FTO: variants seen among roughly 807,000 people sequenced by gnomAD.
FTO encodes the protein FTO alpha-ketoglutarate dependent dioxygenase.
FTO carries 47 observed loss-of-function variants against 63.9 expected under a neutral mutation model. That is an observed-to-expected ratio of 0.74 (90% CI 0.58 to 0.94). The LOEUF (loss-of-function observed/expected upper bound fraction) is 0.94, where lower values mean the gene tolerates loss of function less well. FTO is among the 40% of genes least tolerant of loss of function. The pLI is 0.00. For synonymous variants in FTO, 207 were observed against 224.4 expected (o/e 0.92, Z 0.69); for missense variants, 562 against 618.1 (o/e 0.91, Z 0.96).
intron 7 of FTO, among the ~76,000 whole-genome samples, chr16:53,922,336 C>T (rs148517376): frequency 1.3e-5 from 2 of 152,232 alleles, no homozygotes; most frequent in Non-Finnish European, 2.9e-5. Context: ...TGGCTTAAAG[C>T]TGTAAATGGG....
intron 8 of FTO, chr16:54,063,579 G>T (rs2085641582): frequency 6.6e-6 from 1 of 152,128 alleles, no homozygotes; most frequent in Non-Finnish European, 1.5e-5. Flanking sequence ...TTATGAAATA[G>T]ATTTGAGGCG....
At chr16:53,996,973 C>T (rs898689449) in intron 8 of FTO, among the ~76,000 whole-genome samples, 32 of 151,862 alleles carry the variant, frequency 2.1e-4, no homozygotes, top group African/African-American at 6.8e-4. Flanking sequence ...TTTAGCCTGG[C>T]GTGGTGGCGG....
At chr16:53,716,697 T>G (rs1598477724) in intron 1 of FTO, among the ~76,000 whole-genome samples, 1 of 151,952 alleles carries the variant, frequency 6.6e-6, no homozygotes, top group African/African-American at 2.4e-5. Context: ...TATAAGTATA[T>G]GGTATGTGAG....
In FTO at chr16:53,709,579, G is replaced by A. The variant is rs76972483; in HGVS notation, c.45+5350G>A. Among the ~76,000 whole-genome samples the A allele has an allele frequency of 1.4e-3, 216 of 152,254 alleles. 1 individual carries two copies. In the East Asian group the frequency reaches 0.038, roughly 27 times the overall value. On this transcript the variant is annotated intron_variant, in intron 1 of 8. Coordinates refer to ENST00000471389, the MANE Select transcript of FTO (RefSeq NM_001080432.3). Reference sequence around the variant, plus strand: ...CCCTTGATTGAGTTTGGTGGCCTGAGGGGTCCTCTGCTGGGGTGGGGCTGG... The same window carrying A: ...CCCTTGATTGAGTTTGGTGGCCTGAAGGGTCCTCTGCTGGGGTGGGGCTGG...
chr16:53,990,192 C>T (rs1329619504), intron 8 of FTO, among the ~76,000 whole-genome samples: 3 of 152,186 alleles, frequency 2.0e-5, no homozygotes, highest in Non-Finnish European at 2.9e-5. Flanking sequence ...ATAGTGACCT[C>T]ATAGTGTTAT....
chr16:53,924,203 A>G (rs2082081572), intron 7 of FTO, among the ~76,000 whole-genome samples: 1 of 152,208 alleles, frequency 6.6e-6, no homozygotes, highest in Admixed American at 6.5e-5. Context: ...TAAGCACTTT[A>G]CATGGATTAT....
intron 1 of FTO, among the ~76,000 whole-genome samples, chr16:53,760,914 A>G (rs1207551644): frequency 6.6e-6 from 1 of 152,126 alleles, no homozygotes; most frequent in East Asian, 1.9e-4. Flanking sequence ...GGCGTGAGCC[A>G]CTGCGCCTCA....
At chr16:53,729,530 T>C (rs900972523) in intron 1 of FTO, among the ~76,000 whole-genome samples, 3 of 151,554 alleles carry the variant, frequency 2.0e-5, no homozygotes, top group African/African-American at 7.3e-5. Context: ...AAAATGACCG[T>C]GTCACTCCAC....
chr16:53,894,627 A>G (rs1469479024), intron 7 of FTO, among the ~76,000 whole-genome samples: 2 of 69,828 alleles, frequency 2.9e-5, no homozygotes, highest in Non-Finnish European at 7.0e-5. Context: ...GAAAGTCACC[A>G]ATTTTTGTGT....
At position 53,800,712 on chromosome 16, in the gene FTO, C is replaced by G. The variant is rs542149877; in HGVS notation, c.46-9428C>G. Among the ~76,000 whole-genome samples, 3 of 152,112 alleles carry G rather than the reference C, an allele frequency of 2.0e-5. No individual in the cohort carries two copies. In the South Asian group the frequency reaches 6.2e-4, roughly 32 times the overall value. On this transcript the variant is annotated intron_variant, in intron 1 of 8. Coordinates refer to ENST00000471389, the MANE Select transcript of FTO (RefSeq NM_001080432.3). ...GTTCTTGATGATTTGACTCCTTTAT[C>G]ATTATGAAATGACTTTTTCTCTTGT...
intron 8 of FTO, among the ~76,000 whole-genome samples, chr16:54,022,168 C>G (rs142151445): frequency 1.7e-3 from 252 of 152,246 alleles, no homozygotes; most frequent in African/African-American, 5.8e-3. Context: ...ATCACCTGCC[C>G]TAAGTCTACA....
At chr16:54,011,739 G>T (rs1260782913) in intron 8 of FTO, among the ~76,000 whole-genome samples, 2 of 152,124 alleles carry the variant, frequency 1.3e-5, no homozygotes, top group African/African-American at 2.4e-5. Context: ...GAAAAAGGAA[G>T]AAAATTTGTT....
intron 8 of FTO, among the ~76,000 whole-genome samples, chr16:53,971,958 C>A (rs1296446779): frequency 1.3e-5 from 2 of 152,146 alleles, no homozygotes; most frequent in Non-Finnish European, 2.9e-5. Context: ...GGTTTTTATT[C>A]ATTGCCTCCC....
intron 8 of FTO, among the ~76,000 whole-genome samples, chr16:53,990,053 GA>G (rs747847370): frequency 4.0e-4 from 19 of 47,068 alleles, no homozygotes; most frequent in Admixed American, 6.9e-4. Flanking sequence ...CTGTTTATGT[GA>G]ATCAGTAAGG....
intron 8 of FTO, among the ~76,000 whole-genome samples, chr16:53,955,377 T>C (rs2082905118): frequency 6.6e-6 from 1 of 151,916 alleles, no homozygotes; most frequent in African/African-American, 2.4e-5. Flanking sequence ...TGTCAGATAA[T>C]GACATGCACT....
intron 8 of FTO, chr16:54,071,444 A>G (rs899388660): frequency 1.1e-4 from 17 of 152,154 alleles, no homozygotes; most frequent in African/African-American, 2.7e-4. Flanking sequence ...TAGGGCATGC[A>G]TGTCTGAACT....
chr16:53,884,435 T>G (rs968646245), intron 6 of FTO, among the ~76,000 whole-genome samples: 4 of 152,198 alleles, frequency 2.6e-5, no homozygotes, highest in Admixed American at 1.3e-4. Flanking sequence ...GGGTATCTCT[T>G]TGTAGGCAGA....
intron 3 of FTO, among the ~76,000 whole-genome samples, chr16:53,841,914 G>T (rs1190555329): frequency 6.6e-6 from 1 of 152,192 alleles, no homozygotes; most frequent in Non-Finnish European, 1.5e-5. Context: ...TTCTGCTCTA[G>T]TTCTGTCGTT....
At chr16:53,842,251 A>G (rs908803924) in intron 3 of FTO, among the ~76,000 whole-genome samples, 20 of 152,182 alleles carry the variant, frequency 1.3e-4, no homozygotes, top group African/African-American at 4.8e-4. Flanking sequence ...TGGAATTTCA[A>G]TTTAAAATGT....
Sources: allele counts gnomAD v4.1 joint callset (sites outside exome capture counted in the v4.1 genomes callset), GRCh38; gene constraint gnomAD v4.1.1; transcripts MANE v1.5; gene names NCBI Gene and HGNC (gene_info 2026-07-23, HGNC 2026-07-21).